The following SPATA25 variants were observed in gnomAD, a reference collection of about 807,000 sequenced individuals.
SPATA25 encodes spermatogenesis associated 25.
SPATA25 carries 16 observed loss-of-function variants against 16.0 expected under a neutral mutation model. The ratio of observed to expected loss-of-function variants is 1.00; its 90% CI spans 0.68 to 1.52. The LOEUF is 1.52. Among genes scored for constraint, SPATA25 ranks in the 40% most tolerant of loss-of-function variants. SPATA25 has a pLI of 0.00. For missense variants in SPATA25, 285 were observed against 289.2 expected (o/e 0.99, Z 0.11); for synonymous variants, 115 against 118.5 (o/e 0.97, Z 0.19).
At chr20:45,890,407 G>T, upstream of SPATA25, 14 of 1,612,284 alleles carry the variant, frequency 8.7e-6, no homozygotes, top group Non-Finnish European at 1.2e-5. Context: ...CGGGGCGCGG[G>T]CAAAAGAGGA....
upstream of SPATA25, chr20:45,888,542 A>T (rs1986569786): frequency 7.3e-6 from 4 of 546,148 alleles, no homozygotes; most frequent in Non-Finnish European, 6.5e-6. Context: ...CAGCCTAGGG[A>T]CCCCTGCTCT....
At chr20:45,888,673 T>C, upstream of SPATA25, 1 of 1,328,778 alleles carries the variant, frequency 7.5e-7, no homozygotes, top group Non-Finnish European at 1.1e-6. Context: ...TGGTCTTGGC[T>C]GGCAGCAATG....
chr20:45,886,782 TCA>T lies in SPATA25; in HGVS notation c.417_418del (p.Glu140GlyfsTer11). 1 of 1,613,946 alleles carries T rather than the reference TCA, an allele frequency of 6.2e-7. No homozygotes were observed. The highest frequency in any genetic ancestry group is 8.5e-7 in the Non-Finnish European group (1 of 1,180,034). On this transcript the variant is annotated frameshift_variant, in exon 2 of 2. Coordinates refer to ENST00000372519, the MANE Select transcript of SPATA25 (RefSeq NM_080608.4). LOFTEE classifies it high-confidence loss of function. ...GGAGCTGGCCTCCTTCCCCACTGCC[TCA>T]GAGGGTACCGGTAGAACCCGTGGTG...
upstream of SPATA25, chr20:45,890,465 T>A: frequency 1.4e-5 from 22 of 1,603,538 alleles, no homozygotes; most frequent in Non-Finnish European, 1.9e-5. Flanking sequence ...GTTCAGCTCA[T>A]AGAGCTGGTC....
chr20:45,888,717 G>C, upstream of SPATA25: 2 of 1,606,406 alleles, frequency 1.2e-6, no homozygotes, highest in Non-Finnish European at 1.7e-6. Context: ...CACAGGTCTG[G>C]GGCTCCAGGA....
Position 45,887,542 on chromosome 20 carries a change from C to T in SPATA25, c.49G>A (p.Gly17Ser), listed in dbSNP as rs893432542. 6 of 1,613,426 alleles carry T rather than the reference C, an allele frequency of 3.7e-6. No individual in the cohort carries two copies. The highest frequency in any genetic ancestry group is 3.3e-5 in the Admixed American group (2 of 59,980). The change falls in exon 1 of 2, where the codon GGC becomes AGC. Residue 17 changes from glycine (G) to serine (S), a missense_variant. Transcript: ENST00000372519. Reference sequence around the variant, plus strand: ...GCAGGTGCCCCCCGCTCACCTTGGCCGGAAGGCAGAGGACCTGGATGAGTT... The same window carrying T: ...GCAGGTGCCCCCCGCTCACCTTGGCTGGAAGGCAGAGGACCTGGATGAGTT... The part of the protein sequence containing the change: ...PQTHPGPLPS[G>S]QGGAASPGLS...
At chr20:45,890,598 C>T (rs1331639655), upstream of SPATA25, 1 of 1,612,458 alleles carries the variant, frequency 6.2e-7, no homozygotes, top group Non-Finnish European at 8.5e-7. Context: ...GGGGCCGCTG[C>T]CTCCGCCTCC....
upstream of SPATA25, chr20:45,890,972 G>A (rs767130841): frequency 1.3e-6 from 2 of 1,493,674 alleles, no homozygotes; most frequent in Non-Finnish European, 1.8e-6. Context: ...CGAATCCACG[G>A]GCTCGGAGGC....
chr20:45,890,529 G>T, upstream of SPATA25: 1 of 1,606,428 alleles, frequency 6.2e-7, no homozygotes, highest in African/African-American at 1.3e-5. Flanking sequence ...CGGTCCCGGG[G>T]AATGCGAAAC....
upstream of SPATA25, chr20:45,890,962 C>G (rs571518624): frequency 1.0e-4 from 154 of 1,502,444 alleles, no homozygotes; most frequent in Non-Finnish European, 1.3e-4. Context: ...AGAGTGCACC[C>G]GAATCCACGG....
At chr20:45,890,515 C>T (rs750566384), upstream of SPATA25, 1 of 1,600,664 alleles carries the variant, frequency 6.2e-7, no homozygotes, top group Non-Finnish European at 8.5e-7. Flanking sequence ...TGCGGCCCAC[C>T]AGGCGGTCCC....
At chr20:45,887,693 T>C, upstream of SPATA25, 1 of 1,077,872 alleles carries the variant, frequency 9.3e-7, no homozygotes, top group Non-Finnish European at 1.4e-6. Context: ...CCCTTCACAC[T>C]TGGAATCCAC....
Position 45,886,616 on chromosome 20 carries a change from C to T in SPATA25, c.585G>A (p.Val195=), listed in dbSNP as rs1181869551. The change falls in exon 2 of 2, where the codon GTG becomes GTA. Residue 195 remains valine, a synonymous_variant. Coordinates refer to ENST00000372519, the MANE Select transcript of SPATA25 (RefSeq NM_080608.4). ...GTGCCTGCTCCCACCGCGCCCCCTC[C>T]ACAGCACCCTCTGGCTCCGGATGGG... ...MMAHPEPEGA[V]EGARWEQAHA... 3.1e-6 allele frequency: 5 copies of T among 1,613,942 alleles called. No individual in the cohort carries two copies. The highest frequency in any genetic ancestry group is 4.2e-6 in the Non-Finnish European group (5 of 1,180,044).
chr20:45,890,332 C>T (rs772411777), upstream of SPATA25: 1 of 1,613,182 alleles, frequency 6.2e-7, no homozygotes, highest in Non-Finnish European at 8.5e-7. Flanking sequence ...GCGCAGCTGG[C>T]AGTCCCCGGG....
upstream of SPATA25, among the ~76,000 whole-genome samples, chr20:45,889,885 A>T (rs1010579659): frequency 3.3e-5 from 5 of 152,304 alleles, no homozygotes; most frequent in Middle Eastern, 3.4e-3. Context: ...AAGTGCTGGG[A>T]TTACAGGTGT....
rs754906925 is a variant in SPATA25, at chr20:45,886,749, T to C, written c.452A>G (p.Asp151Gly). 5.0e-6 allele frequency: 8 copies of C among 1,613,916 alleles called. No individual in the cohort carries two copies. Among genetic ancestry groups the C allele is most frequent in the African/African-American group, 1.3e-5 (1 of 74,944 alleles). ...CATGGCGAGGGTGAGGATGCAGATATCAGGCTGGGAGCTGGCCTCCTTCCC... is the reference window on the plus strand; with the variant it reads ...CATGGCGAGGGTGAGGATGCAGATACCAGGCTGGGAGCTGGCCTCCTTCCC... ...AVGKEASSQP[D>G]ICILTLAMMI... The change falls in exon 2 of 2, where the codon GAT (aspartate) becomes GGT (glycine). Residue 151 changes from aspartate to glycine, a missense_variant. Physicochemically the swap from Asp to Gly is moderately conservative, Grantham distance 94. Transcript: ENST00000372519.
At chr20:45,889,282 A>C (rs1986618704), upstream of SPATA25, among the ~76,000 whole-genome samples, 1 of 152,186 alleles carries the variant, frequency 6.6e-6, no homozygotes, top group African/African-American at 2.4e-5. Context: ...AGAAGCTCTC[A>C]GTCTGGGGTT....
intron 1 of SPATA25, 88 bp from the exon 2 acceptor site, chr20:45,887,233 G>A: frequency 6.8e-7 from 1 of 1,473,854 alleles, no homozygotes; most frequent in Non-Finnish European, 9.0e-7. Flanking sequence ...AGAGCTTGGG[G>A]GCGTAACTAA....
upstream of SPATA25, chr20:45,890,101 A>T: frequency 1.2e-6 from 1 of 815,932 alleles, no homozygotes; most frequent in Non-Finnish European, 1.9e-6. Context: ...CTTGTGCAAG[A>T]TCACAAGCAG....
Sources: gnomAD v4.1 joint callset for allele counts (sites outside exome capture counted in the v4.1 genomes callset) on GRCh38, gnomAD v4.1.1 for gene constraint, MANE v1.5 for transcripts, NCBI Gene and HGNC (gene_info 2026-07-23, HGNC 2026-07-21) for gene names.